The following COL24A1 variants were observed in gnomAD, a reference collection of about 807,000 sequenced individuals.
COL24A1 encodes collagen type XXIV alpha 1 chain.
COL24A1 carries 224 observed loss-of-function variants against 253.9 expected under a neutral mutation model. That is an observed-to-expected ratio of 0.88 (90% CI 0.79 to 0.99). COL24A1 has a LOEUF of 0.99. COL24A1 is among the 50% of genes least tolerant of loss of function. The probability of loss-of-function intolerance (pLI) is 0.00; values close to 1 mark genes in which losing one functional copy is unlikely to be tolerated. For missense variants in COL24A1, 2,131 were observed against 2,068.5 expected, an observed-to-expected ratio of 1.03 and a Z score of -0.59; for synonymous variants, 685 against 673.7, an observed-to-expected ratio of 1.02 and a Z score of -0.26.
intron 47 of COL24A1, among the ~76,000 whole-genome samples, chr1:85,787,237 C>T (rs1003524529): frequency 2.0e-5 from 3 of 151,132 alleles, no homozygotes; most frequent in South Asian, 2.1e-4. Context: ...CGGGTACATG[C>T]GCAGGATGTG....
chr1:85,829,868 A>T (rs898813986), intron 43 of COL24A1, among the ~76,000 whole-genome samples: 6 of 151,990 alleles, frequency 3.9e-5, no homozygotes, highest in Non-Finnish European at 7.4e-5. Flanking sequence ...TTTGGTTTGA[A>T]TTTCCTCCCA....
chr1:85,776,955 ATT>A (rs561997139), intron 52 of COL24A1, among the ~76,000 whole-genome samples: 1 of 149,608 alleles, frequency 6.7e-6, no homozygotes, highest in African/African-American at 2.5e-5. Context: ...TTATTTACTT[ATT>A]TTTTTTTTTT....
rs562398064 is a variant in COL24A1, at chr1:85,835,255, C to A, written c.3681+3330G>T. Among the ~76,000 whole-genome samples the A allele has an allele frequency of 2.0e-5, 3 of 152,208 alleles. No homozygotes were observed. In the East Asian group the frequency reaches 5.8e-4, roughly 29 times the overall value. On this transcript the variant is annotated intron_variant, in intron 43 of 59. Transcript: ENST00000370571. ...CAAGTGTTTCTCCTGCCTCAGCCTC[C>A]CGAGTAGCTGGGACTACAGGCATGC...
intron 6 of COL24A1, among the ~76,000 whole-genome samples, chr1:86,090,640 C>A (rs181422375): frequency 1.5e-3 from 226 of 152,162 alleles, no homozygotes; most frequent in Admixed American, 2.6e-3. Context: ...AACCAGTTTC[C>A]TTTTTCCTCA....
chr1:85,774,804 G>A (rs1012390057), intron 53 of COL24A1, among the ~76,000 whole-genome samples: 1 of 151,852 alleles, frequency 6.6e-6, no homozygotes, highest in Non-Finnish European at 1.5e-5. Flanking sequence ...CAATTTTGTT[G>A]ATCGCTTCAA....
At chr1:85,858,632 C>CTTCCTTCTTTCCTTCCTTCT (rs751469606) in intron 37 of COL24A1, among the ~76,000 whole-genome samples, 2 of 131,494 alleles carry the variant, frequency 1.5e-5, no homozygotes, top group South Asian at 2.4e-4. Context: ...TCCTTCCTTC[C>CTTCCTTCTTTCCTTCCTTCT]TTCCTTCCTT....
intron 14 of COL24A1, among the ~76,000 whole-genome samples, chr1:86,031,180 A>T (rs939997846): frequency 6.6e-6 from 1 of 152,208 alleles, no homozygotes; most frequent in African/African-American, 2.4e-5. Flanking sequence ...GACATTAGTG[A>T]TATAAGCCAG....
chr1:85,842,821 T>C (rs1171942249), intron 39 of COL24A1, among the ~76,000 whole-genome samples: 2 of 152,142 alleles, frequency 1.3e-5, no homozygotes, highest in Non-Finnish European at 2.9e-5. Context: ...TTTCAGATGC[T>C]ATGATGAATA....
chr1:85,848,104 T>C (rs1458511478), intron 38 of COL24A1, among the ~76,000 whole-genome samples: 3 of 152,322 alleles, frequency 2.0e-5, no homozygotes, highest in Middle Eastern at 6.8e-3. Flanking sequence ...ATAAGCTCTT[T>C]GGAAAGTCTG....
chr1:86,025,077 G>A (rs1269644678), intron 14 of COL24A1, among the ~76,000 whole-genome samples: 2 of 152,062 alleles, frequency 1.3e-5, no homozygotes, highest in Non-Finnish European at 2.9e-5. Context: ...TGAATACTAT[G>A]GAATTGAAAT....
In COL24A1 at chr1:85,729,595, T is replaced by C. The variant is rs1041797386; in HGVS notation, c.*951A>G. 1.3e-5 allele frequency: 2 copies of C among 152,474 alleles called. No individual in the cohort carries two copies. The highest frequency in any genetic ancestry group is 2.9e-5 in the Non-Finnish European group (2 of 67,994). The allele number at this position is 152,474 out of a possible 1,614,324, so 9.4% of individuals were successfully genotyped here. Reference sequence around the variant, plus strand: ...TAAAACAGCAGCAATTTCAAAAAATTTGCTGAATTAAAACTTTACAAAATA... The same window carrying C: ...TAAAACAGCAGCAATTTCAAAAAATCTGCTGAATTAAAACTTTACAAAATA... On this transcript the variant is annotated 3_prime_UTR_variant, in exon 60 of 60. Transcript: ENST00000370571.
chr1:86,051,969 GA>G (rs536998756), intron 10 of COL24A1, among the ~76,000 whole-genome samples: 165 of 151,896 alleles, frequency 1.1e-3, no homozygotes, highest in Non-Finnish European at 1.8e-3. Context: ...AGCTCATAGA[GA>G]AAAAAAGTCT....
chr1:86,099,992 A>G (rs1704308076), intron 5 of COL24A1, among the ~76,000 whole-genome samples: 1 of 152,144 alleles, frequency 6.6e-6, no homozygotes, highest in African/African-American at 2.4e-5. Flanking sequence ...ACTATACCCA[A>G]AGGATTATAA....
rs1163986127 is a variant in COL24A1 at position 85,772,296 on chromosome 1, G to A, written c.4374+3378C>T. 2.6e-5 allele frequency among the ~76,000 whole-genome samples: 4 copies of A among 151,344 alleles called. No individual in the cohort carries two copies. In the East Asian group the frequency reaches 8.0e-4, roughly 30 times the overall value. On this transcript the variant is annotated intron_variant, in intron 53 of 59. Transcript: ENST00000370571. ...CAGTTAGAATGGCAATCATTAAAAA[G>A]TCAGGAAACAACAGGTGCTGGAGAG...
At position 85,920,348 on chromosome 1, in the gene COL24A1, G is replaced by A. The variant is rs372401956; in HGVS notation, c.2563-8915C>T. On this transcript the variant is annotated intron_variant, in intron 24 of 59. Coordinates refer to ENST00000370571, the MANE Select transcript of COL24A1 (RefSeq NM_152890.7). The stretch of plus-strand genomic sequence containing the variant: ...AGAGGGAATGTTTTGAGCTAAAGAT[G>A]GGAGGGAGCAAATGATAAAACATTT... 4.3e-4 allele frequency among the ~76,000 whole-genome samples: 66 copies of A among 152,236 alleles called. No individual in the cohort carries two copies. In the South Asian group the frequency reaches 0.013, roughly 31 times the overall value.
rs746910479 is a variant in COL24A1, at chr1:85,889,614, C to T, written c.2923-1G>A. On this transcript the variant is annotated splice_acceptor_variant, in intron 31 of 59. Coordinates refer to ENST00000370571, the MANE Select transcript of COL24A1 (RefSeq NM_152890.7). LOFTEE classifies it high-confidence loss of function. ...TACTTCCAGGCAATCCCTGTAAACC[C>T]TGGACAAATAAAGGCAATACTTGTA... is the stretch of plus-strand genomic sequence containing the variant. 1.2e-6 allele frequency: 2 copies of T among 1,612,986 alleles called. No individual in the cohort carries two copies. The highest frequency in any genetic ancestry group is 3.3e-5 in the Admixed American group (2 of 59,958).
intron 1 of COL24A1, among the ~76,000 whole-genome samples, chr1:86,148,742 T>C (rs1652295951): frequency 6.6e-6 from 1 of 152,166 alleles, no homozygotes; most frequent in African/African-American, 2.4e-5. Flanking sequence ...CTTAATCCAG[T>C]CTATCATTGT....
At chr1:85,816,979 G>A in intron 46 of COL24A1, 84 bp from the exon 47 acceptor site, 1 of 1,028,024 alleles carries the variant, frequency 9.7e-7, no homozygotes, top group East Asian at 2.4e-5. Context: ...TTGAGCTGGA[G>A]AAGTTTACAT....
In COL24A1 at chr1:85,730,604, G is replaced by A; in HGVS notation, c.5087C>T (p.Pro1696Leu). The A allele has an allele frequency of 6.2e-7, 1 of 1,613,956 alleles. No individual in the cohort carries two copies. The highest frequency in any genetic ancestry group is 8.5e-7 in the Non-Finnish European group (1 of 1,179,878). The stretch of plus-strand genomic sequence containing the variant: ...ATACTTTCGTTCAGTTTTGAGATGA[G>A]GAAGTTTTTGTACTTCAATCACTGG... ...QLPVIEVQKL[P>L]HLKTERKYYI... The change falls in exon 60 of 60, where the codon CCT (proline) becomes CTT (leucine). Residue 1696 changes from proline to leucine, a missense_variant. Coordinates refer to ENST00000370571, the MANE Select transcript of COL24A1 (RefSeq NM_152890.7).
Sources: allele counts gnomAD v4.1 joint callset (sites outside exome capture counted in the v4.1 genomes callset), GRCh38; gene constraint gnomAD v4.1.1; transcripts MANE v1.5; gene names NCBI Gene and HGNC (gene_info 2026-07-23, HGNC 2026-07-21).